SGCZ: variants seen among roughly 807,000 people sequenced by gnomAD.
SGCZ encodes sarcoglycan zeta.
A neutral mutation model predicts 41.3 loss-of-function variants in SGCZ; 40 were observed. That is an observed-to-expected ratio of 0.97 (90% CI 0.75 to 1.26). SGCZ has a LOEUF of 1.26. Among genes scored for constraint, SGCZ ranks in the 50% most tolerant of loss-of-function variants. SGCZ has a pLI of 0.00. For synonymous variants in SGCZ, 206 were observed against 137.5 expected, an observed-to-expected ratio of 1.50 and a Z score of -3.49; for missense variants, 552 against 369.8, an observed-to-expected ratio of 1.49 and a Z score of -4.04.
At chr8:14,407,065 CTTTTTTT>C (rs67046431) in intron 2 of SGCZ, among the ~76,000 whole-genome samples, 10 of 87,174 alleles carry the variant, frequency 1.1e-4, no homozygotes, top group South Asian at 4.7e-4. Context: ...ATGAGTTTTC[CTTTTTTT>C]TTTTTTTTTT....
intron 3 of SGCZ, among the ~76,000 whole-genome samples, chr8:14,259,738 G>T (rs1422251459): frequency 6.7e-6 from 1 of 150,036 alleles, no homozygotes; most frequent in South Asian, 2.1e-4. Flanking sequence ...TTGAAATCAG[G>T]TAGTGTGATG....
chr8:14,279,004 G>C (rs765916482), intron 3 of SGCZ, among the ~76,000 whole-genome samples: 3 of 152,046 alleles, frequency 2.0e-5, no homozygotes, highest in Non-Finnish European at 4.4e-5. Flanking sequence ...TCCTGGTCTA[G>C]GAATTTAATG....
chr8:14,379,197 G>A lies in SGCZ; in HGVS notation c.235-54993C>T, dbSNP rs1804262799. ...TATTAACCAATTTTTATTTGCTGAA[G>A]ATATTATTATATACCTAGGAAACCC... On this transcript the variant is annotated intron_variant, in intron 2 of 7. Transcript: ENST00000382080. Among the ~76,000 whole-genome samples the A allele has an allele frequency of 2.0e-5, 3 of 152,102 alleles. No homozygotes were observed. The South Asian group carries it at 6.2e-4, about 31-fold the overall frequency.
chr8:14,987,571 A>T (rs1177542100), intron 1 of SGCZ, among the ~76,000 whole-genome samples: 1 of 151,928 alleles, frequency 6.6e-6, no homozygotes, highest in Admixed American at 6.6e-5. Context: ...AACTTTTCTT[A>T]TTAGTATACT....
In SGCZ at chr8:15,211,064, C is replaced by CATAGATATATAGATAGATATAGAT. The variant is rs554578032; in HGVS notation, c.39+26497_39+26520dup. 8.5e-3 allele frequency among the ~76,000 whole-genome samples: 1,159 copies of CATAGATATATAGATAGATATAGAT among 136,312 alleles called. 16 individuals carry two copies. The highest frequency in any genetic ancestry group is 0.029 in the African/African-American group (1,082 of 37,376). 89.4% of individuals were successfully genotyped at this position (136,312 alleles called of 152,430 possible). A position where few individuals can be genotyped will look rare whatever the true frequency, so the allele number is the denominator to read the frequency against. On this transcript the variant is annotated intron_variant, in intron 1 of 7. Transcript: ENST00000382080. ...ATAGATATAGATAGATATAGATATACATAGATATATAGATAGATATAGATA... is the reference window on the plus strand; with the variant it reads ...ATAGATATAGATAGATATAGATATACATAGATATATAGATAGATATAGATATAGATATATAGATAGATATAGATA...
At chr8:14,569,588 G>A (rs549286944) in intron 1 of SGCZ, among the ~76,000 whole-genome samples, 291 of 152,252 alleles carry the variant, frequency 1.9e-3, no homozygotes, top group African/African-American at 5.1e-3. Context: ...TGTCATCATG[G>A]GGTCTACATT....
intron 1 of SGCZ, among the ~76,000 whole-genome samples, chr8:14,838,036 G>T (rs762280175): frequency 2.6e-5 from 4 of 152,124 alleles, no homozygotes; most frequent in Admixed American, 6.5e-5. Context: ...CCTATCATTT[G>T]CCACGACGTG....
chr8:14,529,587 G>A (rs1179118586), intron 2 of SGCZ, among the ~76,000 whole-genome samples: 1 of 152,114 alleles, frequency 6.6e-6, no homozygotes, highest in Non-Finnish European at 1.5e-5. Context: ...GAAAGCATTT[G>A]GGTATGCAAT....
chr8:14,431,258 C>G (rs1799934526), intron 2 of SGCZ, among the ~76,000 whole-genome samples: 2 of 152,104 alleles, frequency 1.3e-5, no homozygotes, highest in Admixed American at 1.3e-4. Context: ...AAGAACAAAG[C>G]TGGAGGCATC....
chr8:14,740,628 G>A (rs1799174467), intron 1 of SGCZ, among the ~76,000 whole-genome samples: 1 of 151,976 alleles, frequency 6.6e-6, no homozygotes. Flanking sequence ...GTTTCCTGAG[G>A]TGCCACACAG....
At chr8:14,595,218 A>G (rs2117296172) in intron 1 of SGCZ, among the ~76,000 whole-genome samples, 1 of 152,330 alleles carries the variant, frequency 6.6e-6, no homozygotes, top group Non-Finnish European at 1.5e-5. Flanking sequence ...CTCTTTATGT[A>G]AAGCCCTTCA....
At chr8:14,251,765 T>C (rs974868872) in intron 3 of SGCZ, among the ~76,000 whole-genome samples, 7 of 152,224 alleles carry the variant, frequency 4.6e-5, no homozygotes, top group African/African-American at 1.7e-4. Context: ...AATGTAGGTA[T>C]AAATTTAACT....
chr8:15,041,240 A>G (rs1026954625), intron 1 of SGCZ, among the ~76,000 whole-genome samples: 2 of 151,836 alleles, frequency 1.3e-5, no homozygotes, highest in African/African-American at 4.8e-5. Flanking sequence ...AAATGAAAAG[A>G]AATGTTTTAA....
chr8:14,973,539 A>G (rs928752051), intron 1 of SGCZ, among the ~76,000 whole-genome samples: 5 of 152,178 alleles, frequency 3.3e-5, no homozygotes, highest in African/African-American at 1.2e-4. Context: ...ACACTACCGT[A>G]ATGAATATGC....
intron 1 of SGCZ, among the ~76,000 whole-genome samples, chr8:14,740,351 C>G (rs1026951573): frequency 6.6e-6 from 1 of 151,908 alleles, no homozygotes; most frequent in Non-Finnish European, 1.5e-5. Context: ...ACGGGTTTAC[C>G]AGCAATCACA....
chr8:14,559,860 G>A (rs1804155384), intron 1 of SGCZ, among the ~76,000 whole-genome samples: 1 of 152,016 alleles, frequency 6.6e-6, no homozygotes, highest in Admixed American at 6.6e-5. Flanking sequence ...AAGTTAACAT[G>A]TACTATTTCC....
intron 3 of SGCZ, among the ~76,000 whole-genome samples, chr8:14,242,500 C>A (rs1478544866): frequency 6.6e-6 from 1 of 152,142 alleles, no homozygotes; most frequent in Non-Finnish European, 1.5e-5. Flanking sequence ...ATCATAGTCT[C>A]TTCATCTGTA....
chr8:14,535,178 T>C (rs1034353487), intron 2 of SGCZ, among the ~76,000 whole-genome samples: 26 of 151,988 alleles, frequency 1.7e-4, no homozygotes, highest in African/African-American at 6.0e-4. Flanking sequence ...TTATGAGTTA[T>C]TTAGATTTGA....
At chr8:15,216,148 G>A (rs1246211533) in intron 1 of SGCZ, among the ~76,000 whole-genome samples, 1 of 151,634 alleles carries the variant, frequency 6.6e-6, no homozygotes, top group African/African-American at 2.4e-5. Flanking sequence ...TGGGGATATG[G>A]TTGAAAGCAA....
Sources: allele counts gnomAD v4.1 joint callset (sites outside exome capture counted in the v4.1 genomes callset), GRCh38; gene constraint gnomAD v4.1.1; transcripts MANE v1.5; gene names NCBI Gene and HGNC (gene_info 2026-07-23, HGNC 2026-07-21).